Variants in PIK3C2A observed in about 807,000 individuals in gnomAD.
PIK3C2A encodes phosphatidylinositol-4-phosphate 3-kinase catalytic subunit type 2 alpha, also known as phosphatidylinositol 4-phosphate 3-kinase C2 domain-containing subunit alpha.
A neutral mutation model predicts 204.5 loss-of-function variants in PIK3C2A; 97 were observed. The ratio of observed to expected loss-of-function variants is 0.47; its 90% CI spans 0.40 to 0.56. PIK3C2A has a LOEUF of 0.56. Ranked by LOEUF, PIK3C2A falls within the 20% of genes least tolerant of loss-of-function variation. The pLI is 0.00. For missense variants in PIK3C2A, 1,735 were observed against 1,969.2 expected, an observed-to-expected ratio of 0.88 and a Z score of 2.25; for synonymous variants, 653 against 664.4, an observed-to-expected ratio of 0.98 and a Z score of 0.26.
At chr11:17,161,800 A>G (rs960972554) in intron 2 of PIK3C2A, among the ~76,000 whole-genome samples, 3 of 152,236 alleles carry the variant, frequency 2.0e-5, no homozygotes, top group African/African-American at 7.2e-5. Context: ...AAGAATAGGC[A>G]TTGCAATATT....
At chr11:17,127,248 T>C (rs559631967) in intron 13 of PIK3C2A, among the ~76,000 whole-genome samples, 44 of 152,230 alleles carry the variant, frequency 2.9e-4, no homozygotes, top group African/African-American at 1.0e-3. Flanking sequence ...AATCTTATAC[T>C]GCCTCCTCAA....
At chr11:17,142,999 A>G (rs529434061) in intron 8 of PIK3C2A, among the ~76,000 whole-genome samples, 13 of 151,658 alleles carry the variant, frequency 8.6e-5, no homozygotes, top group Admixed American at 3.3e-4. Context: ...TTCATCTACA[A>G]TGATTTTCCT....
At position 17,122,352 on chromosome 11, in the gene PIK3C2A, ATTGATCAAATTACAGTCTACGTAT is replaced by A; in HGVS notation, c.2512-43_2512-20del. ...AATCAACCTTTAAAATTTAACAGAA[ATTGATCAAATTACAGTCTACGTAT>A]TTGCCACATTAACCTCTTTGTCTTT... On this transcript the variant is annotated intron_variant, in intron 14 of 32. Transcript: ENST00000691414. The A allele has an allele frequency of 6.8e-7, 1 of 1,460,508 alleles. No individual in the cohort carries two copies. The highest frequency in any genetic ancestry group is 9.5e-7 in the Non-Finnish European group (1 of 1,053,876). The allele number at this position is 1,460,508 out of a possible 1,614,324, so 90.5% of individuals were successfully genotyped here.
Position 17,155,669 on chromosome 11 carries a change from T to G in PIK3C2A, c.1066-40A>C, listed in dbSNP as rs750644059. 9 of 1,175,524 alleles carry G rather than the reference T, an allele frequency of 7.7e-6. No individual in the cohort carries two copies. The South Asian group carries it at 1.0e-4, about 13-fold the overall frequency. The allele number at this position is 1,175,524 out of a possible 1,614,324, so 72.8% of individuals were successfully genotyped here. ...GTGTTTTTATTTTAAAAGTGGAAGATCCACAAAATGCTACATAGCAGCACA... is the reference window on the plus strand; with the variant it reads ...GTGTTTTTATTTTAAAAGTGGAAGAGCCACAAAATGCTACATAGCAGCACA... On this transcript the variant is annotated intron_variant, in intron 2 of 32. Coordinates refer to ENST00000691414, the MANE Select transcript of PIK3C2A (RefSeq NM_002645.4).
chr11:17,187,111 C>T (rs552797725), intron 1 of PIK3C2A, among the ~76,000 whole-genome samples: 3 of 152,038 alleles, frequency 2.0e-5, no homozygotes, highest in East Asian at 3.9e-4. Flanking sequence ...AATCTTTAGG[C>T]GTTATCTAAG....
chr11:17,141,596 T>C (rs1324605805), intron 8 of PIK3C2A, among the ~76,000 whole-genome samples: 7 of 152,224 alleles, frequency 4.6e-5, no homozygotes, highest in Non-Finnish European at 1.0e-4. Context: ...TTAACACTGG[T>C]ATATTGCTAT....
At chr11:17,129,884 C>T (rs1849641932) in intron 12 of PIK3C2A, among the ~76,000 whole-genome samples, 1 of 152,130 alleles carries the variant, frequency 6.6e-6, no homozygotes, top group Non-Finnish European at 1.5e-5. Context: ...ACCACGCCAG[C>T]CTCAAATAAT....
Position 17,122,332 on chromosome 11 carries a change from A to G in PIK3C2A, c.2513T>C (p.Val838Ala). 1 of 1,529,050 alleles carries G rather than the reference A, an allele frequency of 6.5e-7. No homozygotes were observed. The highest frequency in any genetic ancestry group is 9.0e-7 in the Non-Finnish European group (1 of 1,112,082). 94.7% of individuals were successfully genotyped at this position (1,529,050 alleles called of 1,614,324 possible). Reference sequence around the variant, plus strand: ...ATCAAATGCAGGAGAAGGAAAATCAACCTTTAAAATTTAACAGAAATTGAT... The same window carrying G: ...ATCAAATGCAGGAGAAGGAAAATCAGCCTTTAAAATTTAACAGAAATTGAT... ...GYVMERIVLQ[V>A]DFPSPAFDII... The change falls in exon 15 of 33, where the codon GTT becomes GCT. Residue 838 changes from valine to alanine, a missense_variant and splice_region_variant. Coordinates refer to ENST00000691414, the MANE Select transcript of PIK3C2A (RefSeq NM_002645.4).
chr11:17,100,249 C>CGGGGGGGGGGGG (rs71047528), intron 25 of PIK3C2A, among the ~76,000 whole-genome samples: 1 of 46,492 alleles, frequency 2.2e-5, no homozygotes, highest in Non-Finnish European at 4.1e-5. Context: ...TTTTTGGGGG[C>CGGGGGGGGGGGG]GGGGGGGGGG....
chr11:17,105,453 T>C (rs1194435922), intron 22 of PIK3C2A, 148 bp from the exon 23 acceptor site: 1 of 636,980 alleles, frequency 1.6e-6, no homozygotes, highest in African/African-American at 1.9e-5. Context: ...TAGGTATACA[T>C]GTGCCATGGT....
chr11:17,181,685 CACACACACAA>C (rs1365551319), intron 1 of PIK3C2A, among the ~76,000 whole-genome samples: 7 of 118,416 alleles, frequency 5.9e-5, no homozygotes, highest in Non-Finnish European at 1.1e-4. Context: ...CACACACACA[CACACACACAA>C]ACACACACAC....
At chr11:17,106,304 T>C (rs556376168) in intron 22 of PIK3C2A, among the ~76,000 whole-genome samples, 138 of 145,732 alleles carry the variant, frequency 9.5e-4, no homozygotes, top group African/African-American at 3.3e-3. Flanking sequence ...CCCAGCTACT[T>C]TGGAGGCTGA....
At chr11:17,176,519 G>A (rs1851346468) in intron 1 of PIK3C2A, among the ~76,000 whole-genome samples, 1 of 151,790 alleles carries the variant, frequency 6.6e-6, no homozygotes, top group African/African-American at 2.4e-5. Flanking sequence ...GGCAGCTCAG[G>A]CCTATGATCC....
intron 1 of PIK3C2A, among the ~76,000 whole-genome samples, chr11:17,202,054 A>C (rs1167238576): frequency 6.6e-6 from 1 of 151,976 alleles, no homozygotes; most frequent in East Asian, 1.9e-4. Flanking sequence ...TCAGGAGTTC[A>C]AGACCAGCCT....
At chr11:17,166,137 C>T (rs1022583254) in intron 2 of PIK3C2A, among the ~76,000 whole-genome samples, 3 of 151,894 alleles carry the variant, frequency 2.0e-5, no homozygotes, top group Non-Finnish European at 4.4e-5. Flanking sequence ...ACAGTAATTC[C>T]TTTTAACTTC....
chr11:17,206,915 C>T (rs1852600735), intron 1 of PIK3C2A, among the ~76,000 whole-genome samples: 1 of 152,154 alleles, frequency 6.6e-6, no homozygotes, highest in Non-Finnish European at 1.5e-5. Context: ...AAGAGGCAGG[C>T]CTCCTTCGTT....
At chr11:17,141,093 T>G (rs1850048902) in intron 8 of PIK3C2A, among the ~76,000 whole-genome samples, 1 of 152,116 alleles carries the variant, frequency 6.6e-6, no homozygotes, top group South Asian at 2.1e-4. Context: ...GTCCATACTG[T>G]GCGGAACCTT....
chr11:17,178,990 A>G (rs1008153069), intron 1 of PIK3C2A, among the ~76,000 whole-genome samples: 1 of 151,016 alleles, frequency 6.6e-6, no homozygotes, highest in Non-Finnish European at 1.5e-5. Context: ...CGGCCTCCCA[A>G]AGTGCTGGGA....
chr11:17,138,454 T>C (rs955525308), intron 8 of PIK3C2A, among the ~76,000 whole-genome samples: 5 of 152,088 alleles, frequency 3.3e-5, no homozygotes, highest in African/African-American at 1.2e-4. Context: ...TTCTTTGCCA[T>C]AGGCAACTAT....
Sources: gnomAD v4.1 joint callset for allele counts (sites outside exome capture counted in the v4.1 genomes callset) on GRCh38, gnomAD v4.1.1 for gene constraint, MANE v1.5 for transcripts, NCBI Gene and HGNC (gene_info 2026-07-23, HGNC 2026-07-21) for gene names.